Variants in FZD6 observed in about 807,000 individuals in gnomAD.
The protein encoded by FZD6 is frizzled-6.
FZD6 carries 49 observed loss-of-function variants against 61.4 expected under a neutral mutation model. The ratio of observed to expected loss-of-function variants is 0.80; its 90% CI spans 0.63 to 1.01. FZD6 has a LOEUF of 1.01. Among genes scored for constraint, FZD6 ranks in the 50% least tolerant of loss-of-function variants. The pLI, the probability that FZD6 is intolerant of heterozygous loss-of-function variation, is 0.00. For synonymous variants in FZD6, 265 were observed against 292.2 expected (o/e 0.91, Z 0.95); for missense variants, 724 against 848.2 (o/e 0.85, Z 1.82).
chr8:103,312,859 T>G (rs983203756), intron 2 of FZD6, among the ~76,000 whole-genome samples: 4 of 152,256 alleles, frequency 2.6e-5, no homozygotes, highest in Non-Finnish European at 5.9e-5. Context: ...CTTGAGGTTT[T>G]ATAGTCTTTG....
At position 103,318,628 on chromosome 8, in the gene FZD6, C is replaced by CA. The variant is rs1814697316; in HGVS notation, c.217dup (p.Ile73AsnfsTer2). 1.2e-6 allele frequency: 2 copies of CA among 1,611,094 alleles called. No individual in the cohort carries two copies. Among genetic ancestry groups the CA allele is most frequent in the Non-Finnish European group, 1.7e-6 (2 of 1,177,268 alleles). Reference sequence around the variant, plus strand: ...TCGCAAATCTGGAATGTTCACCAAACATTGAAACTTTCCTCTGCAAAGCAT... The same window carrying CA: ...TCGCAAATCTGGAATGTTCACCAAACAATTGAAACTTTCCTCTGCAAAGCAT... On this transcript the variant is annotated frameshift_variant, in exon 3 of 7. Transcript: ENST00000358755. LOFTEE classifies it high-confidence loss of function.
chr8:103,299,406 C>T (rs558752974), intron 1 of FZD6, among the ~76,000 whole-genome samples: 2 of 152,212 alleles, frequency 1.3e-5, no homozygotes, highest in African/African-American at 4.8e-5. Flanking sequence ...GCACTACACC[C>T]TCCTAGCCAG....
chr8:103,321,221 G>A (rs1404989237), intron 3 of FZD6, among the ~76,000 whole-genome samples: 2 of 152,126 alleles, frequency 1.3e-5, no homozygotes, highest in African/African-American at 2.4e-5. Flanking sequence ...AAATTTATTC[G>A]TGTTTGAGAA....
At chr8:103,327,014 CAATA>C (rs750479170) in intron 4 of FZD6, among the ~76,000 whole-genome samples, 1 of 152,074 alleles carries the variant, frequency 6.6e-6, no homozygotes, top group Non-Finnish European at 1.5e-5. Context: ...TGTGGTGAAA[CAATA>C]AATAGCAAAA....
intron 2 of FZD6, among the ~76,000 whole-genome samples, chr8:103,313,106 C>T (rs11989069): frequency 0.095 from 14,451 of 152,184 alleles, 1,167 homozygotes; most frequent in African/African-American, 0.22. Context: ...CTGCTTCTTA[C>T]TACTATTGTG....
chr8:103,324,658 A>AT lies in FZD6; in HGVS notation c.553dup (p.Cys185LeufsTer7), dbSNP rs1447767985. 2 of 1,614,034 alleles carry AT rather than the reference A, an allele frequency of 1.2e-6. No homozygotes were observed. The highest frequency in any genetic ancestry group is 2.7e-5 in the African/African-American group (2 of 74,942). On this transcript the variant is annotated frameshift_variant, in exon 4 of 7. Transcript: ENST00000358755. LOFTEE classifies it high-confidence loss of function. Reference sequence around the variant, plus strand: ...TGGGAATTGACCAGTGTGCGCCTCCATGCCCCAACATGTATTTTAAAAGTG... The same window carrying AT: ...TGGGAATTGACCAGTGTGCGCCTCCATTGCCCCAACATGTATTTTAAAAGTG...
In FZD6 at chr8:103,330,948, T is replaced by C. The variant is rs180929567; in HGVS notation, c.1953-393T>C. Among the ~76,000 whole-genome samples, 48 of 152,254 alleles carry C rather than the reference T, an allele frequency of 3.2e-4. No individual in the cohort carries two copies. The East Asian group carries it at 5.6e-3, about 18-fold the overall frequency. ...ATCCCAGCACTTTGGGAGGCCAAGG[T>C]GGGCAGATCACAAGGTCAGGAGATC... is the stretch of plus-strand genomic sequence containing the variant. On this transcript the variant is annotated intron_variant, in intron 6 of 6. Transcript: ENST00000358755.
At position 103,318,778 on chromosome 8, in the gene FZD6, A is replaced by C; in HGVS notation, c.366A>C (p.Glu122Asp). The C allele has an allele frequency of 6.3e-7, 1 of 1,585,374 alleles. No individual in the cohort carries two copies. Among genetic ancestry groups the C allele is most frequent in the African/African-American group, 1.3e-5 (1 of 74,524 alleles). Residue 122 changes from glutamate to aspartate, a missense_variant, in exon 3 of 7, where the codon GAA becomes GAC. Glu to Asp is a conservative substitution (Grantham distance 45, BLOSUM62 2). Coordinates refer to ENST00000358755, the MANE Select transcript of FZD6 (RefSeq NM_003506.4). The part of the protein sequence containing the change: ...TFGIRWPEEL[E>D]CDRLQYCDET... ...GGATCCGATGGCCTGAGGAGCTTGA[A>C]TGTGACAGGTAAACAATGTTTTTCA...
chr8:103,299,617 A>G (rs1211587389), intron 1 of FZD6, among the ~76,000 whole-genome samples: 1 of 152,330 alleles, frequency 6.6e-6, no homozygotes, highest in South Asian at 2.1e-4. Context: ...AAGCTTTCCA[A>G]CAGGGGCCCT....
intron 3 of FZD6, among the ~76,000 whole-genome samples, chr8:103,321,966 AC>A (rs1235464178): frequency 6.6e-6 from 1 of 152,096 alleles, no homozygotes; most frequent in Admixed American, 6.6e-5. Flanking sequence ...TGATAGTCTA[AC>A]TTTTTCTCCT....
Position 103,299,972 on chromosome 8 carries a change from C to T in FZD6, c.-136C>T, listed in dbSNP as rs1296802460. The T allele has an allele frequency of 1.5e-6, 1 of 675,848 alleles. No homozygotes were observed. The highest frequency in any genetic ancestry group is 2.7e-6 in the Non-Finnish European group (1 of 371,432). The allele number at this position is 675,848 out of a possible 1,614,324, so 41.9% of individuals were successfully genotyped here. ...TTTTTACAGTAATTGACCCAGGACTCATTTTCAGGAAAGCCTGAAAATGAG... is the reference window on the plus strand; with the variant it reads ...TTTTTACAGTAATTGACCCAGGACTTATTTTCAGGAAAGCCTGAAAATGAG... On this transcript the variant is annotated 5_prime_UTR_variant, in exon 2 of 7. Coordinates refer to ENST00000358755, the MANE Select transcript of FZD6 (RefSeq NM_003506.4).
chr8:103,303,841 A>G (rs1814242949), intron 2 of FZD6, among the ~76,000 whole-genome samples: 1 of 152,134 alleles, frequency 6.6e-6, no homozygotes, highest in Non-Finnish European at 1.5e-5. Context: ...AAAGAATTTG[A>G]TTTTTAACCA....
chr8:103,323,714 A>C (rs995963438), intron 3 of FZD6, among the ~76,000 whole-genome samples: 3 of 152,180 alleles, frequency 2.0e-5, no homozygotes, highest in African/African-American at 7.2e-5. Flanking sequence ...TATAGGCATG[A>C]GCCACCGTAC....
chr8:103,311,440 G>A (rs1412543057), intron 2 of FZD6, among the ~76,000 whole-genome samples: 1 of 152,028 alleles, frequency 6.6e-6, no homozygotes, highest in Non-Finnish European at 1.5e-5. Flanking sequence ...AGAGCACAGT[G>A]TAAAACAGTG....
At chr8:103,300,497 C>A (rs1477925140) in intron 2 of FZD6, among the ~76,000 whole-genome samples, 1 of 152,138 alleles carries the variant, frequency 6.6e-6, no homozygotes, top group East Asian at 1.9e-4. Flanking sequence ...GAATAGGGTT[C>A]ATTTTATATA....
Position 103,300,078 on chromosome 8 carries a change from C to T in FZD6, c.-30C>T. On this transcript the variant is annotated 5_prime_UTR_variant, in exon 2 of 7. Transcript: ENST00000358755. The stretch of plus-strand genomic sequence containing the variant: ...GGATGCAAAGAGTGATTCATCCAAG[C>T]CATGTGGTAAAATCAGGAATTTGAA... 1 of 1,358,202 alleles carries T rather than the reference C, an allele frequency of 7.4e-7. No homozygotes were observed. Among genetic ancestry groups the T allele is most frequent in the Non-Finnish European group, 1.1e-6 (1 of 946,204 alleles). The allele number at this position is 1,358,202 out of a possible 1,614,324, so 84.1% of individuals were successfully genotyped here. A position where few individuals can be genotyped will look rare whatever the true frequency, so the allele number is the denominator to read the frequency against.
chr8:103,315,325 G>A (rs2130302206), intron 2 of FZD6, among the ~76,000 whole-genome samples: 1 of 152,226 alleles, frequency 6.6e-6, no homozygotes, highest in Non-Finnish European at 1.5e-5. Context: ...CTGCCTGCTA[G>A]TAGATATTTC....
In FZD6 at chr8:103,300,303, G is replaced by A. The variant is rs3736046; in HGVS notation, c.177+19G>A. 6.6e-7 allele frequency: 1 copy of A among 1,521,434 alleles called. No homozygotes were observed. The highest frequency in any genetic ancestry group is 9.1e-7 in the Non-Finnish European group (1 of 1,095,580). 94.2% of individuals were successfully genotyped at this position (1,521,434 alleles called of 1,614,324 possible). ...AATGGAGGTGAGTAGTGCTTCATAC[G>A]TTTATTGAATAGTAGTTTATGCTCT... On this transcript the variant is annotated intron_variant, in intron 2 of 6. Coordinates refer to ENST00000358755, the MANE Select transcript of FZD6 (RefSeq NM_003506.4).
chr8:103,318,602 C>G lies in FZD6; in HGVS notation c.190C>G (p.Leu64Val). The G allele has an allele frequency of 6.2e-7, 1 of 1,601,440 alleles. No homozygotes were observed. Among genetic ancestry groups the G allele is most frequent in the Non-Finnish European group, 8.6e-7 (1 of 1,168,556 alleles). ...ATGTCTTTAATAGCATTTTCTTCCT[C>G]TCGCAAATCTGGAATGTTCACCAAA... Reference protein sequence around the residue: ...AAVEMEHFLPLANLECSPNIE... With the variant: ...AAVEMEHFLPVANLECSPNIE... The change falls in exon 3 of 7, where the codon CTC becomes GTC. Residue 64 changes from leucine (L) to valine (V), a missense_variant. Coordinates refer to ENST00000358755, the MANE Select transcript of FZD6 (RefSeq NM_003506.4).
Sources: allele counts gnomAD v4.1 joint callset (sites outside exome capture counted in the v4.1 genomes callset), GRCh38; gene constraint gnomAD v4.1.1; transcripts MANE v1.5; gene names NCBI Gene and HGNC (gene_info 2026-07-23, HGNC 2026-07-21).